Variants in KIZ observed in about 807,000 individuals in gnomAD.
KIZ encodes kizuna centrosomal protein, also known as centrosomal protein kizuna.
KIZ carries 68 observed loss-of-function variants against 79.6 expected under a neutral mutation model. The observed-to-expected ratio is 0.85, with a 90% CI of 0.70 to 1.05. The LOEUF is 1.05. Among genes scored for constraint, KIZ ranks in the 50% least tolerant of loss-of-function variants. The probability of loss-of-function intolerance (pLI) is 0.00; values close to 1 mark genes in which losing one functional copy is unlikely to be tolerated. For synonymous variants in KIZ, 280 were observed against 281.8 expected (o/e 0.99, Z 0.06); for missense variants, 797 against 800.4 (o/e 1.00, Z 0.05).
intron 7 of KIZ, among the ~76,000 whole-genome samples, chr20:21,206,519 A>G (rs1015461764): frequency 2.0e-5 from 3 of 152,178 alleles, no homozygotes; most frequent in African/African-American, 7.2e-5. Flanking sequence ...GCCAAAGAGC[A>G]CACTGGGAAA....
At chr20:21,135,464 T>A (rs966008528) in intron 2 of KIZ, among the ~76,000 whole-genome samples, 1 of 152,244 alleles carries the variant, frequency 6.6e-6, no homozygotes, top group Admixed American at 6.5e-5. Flanking sequence ...CGCAGAATTA[T>A]TAACACGATA....
rs148939107 is a variant in KIZ at position 21,216,031 on chromosome 20, T to C, written c.1678+383T>C. On this transcript the variant is annotated intron_variant, in intron 9 of 12. Transcript: ENST00000619189. ...TCCTGTAGTAATTGCATATGTATAT[T>C]AAAATAAGCAGATAATAAAAAAATG... Among the ~76,000 whole-genome samples, 218 of 152,298 alleles carry C rather than the reference T, an allele frequency of 1.4e-3. 1 individual carries two copies. The highest frequency in any genetic ancestry group is 5.0e-3 in the African/African-American group (206 of 41,558).
chr20:21,130,633 C>CT (rs951473358), intron 1 of KIZ, among the ~76,000 whole-genome samples: 74 of 149,548 alleles, frequency 4.9e-4, no homozygotes, highest in African/African-American at 1.0e-3. Context: ...TCCTTTTAAT[C>CT]TTTTTTTTTT....
intron 6 of KIZ, among the ~76,000 whole-genome samples, chr20:21,171,991 A>G (rs1329149431): frequency 6.6e-6 from 1 of 152,186 alleles, no homozygotes; most frequent in East Asian, 1.9e-4. Context: ...TCTCCAGACA[A>G]ATCCATCCAG....
intron 7 of KIZ, among the ~76,000 whole-genome samples, chr20:21,205,876 G>T (rs2035808431): frequency 6.6e-6 from 1 of 151,526 alleles, no homozygotes; most frequent in African/African-American, 2.4e-5. Context: ...CAGGAGAATT[G>T]CTTGAACCCA....
intron 2 of KIZ, 121 bp from the exon 3 acceptor site, chr20:21,136,269 G>T: frequency 3.2e-6 from 2 of 616,902 alleles, no homozygotes; most frequent in Non-Finnish European, 2.8e-6. Flanking sequence ...TTGGGTTTCG[G>T]TGGTTTGGGT....
chr20:21,204,220 A>G (rs1015555512), intron 6 of KIZ, among the ~76,000 whole-genome samples: 8 of 132,542 alleles, frequency 6.0e-5, no homozygotes, highest in Non-Finnish European at 1.1e-4. Flanking sequence ...GGTTCACGCC[A>G]TTCTCCTGCC....
intron 4 of KIZ, among the ~76,000 whole-genome samples, chr20:21,159,014 TA>T (rs2033526900): frequency 2.2e-5 from 2 of 92,714 alleles, no homozygotes; most frequent in African/African-American, 5.8e-5. Flanking sequence ...TTACTATTAT[TA>T]TTATTTTTTT....
intron 1 of KIZ, among the ~76,000 whole-genome samples, chr20:21,127,594 C>G (rs967695006): frequency 6.6e-6 from 1 of 152,138 alleles, no homozygotes; most frequent in Non-Finnish European, 1.5e-5. Flanking sequence ...TTCTGCATTT[C>G]GAGATTTGTT....
intron 4 of KIZ, chr20:21,149,028 A>T (rs1466935180): frequency 6.6e-6 from 1 of 152,244 alleles, no homozygotes; most frequent in Non-Finnish European, 1.5e-5. Context: ...TTAACACTTT[A>T]TGTGTATCAA....
intron 6 of KIZ, among the ~76,000 whole-genome samples, chr20:21,187,310 C>G (rs1261251549): frequency 6.6e-6 from 1 of 152,152 alleles, no homozygotes; most frequent in Non-Finnish European, 1.5e-5. Context: ...AGGCATTTCA[C>G]TGTTATCATG....
chr20:21,244,912 C>T (rs915698378), intron 12 of KIZ: 1 of 152,916 alleles, frequency 6.5e-6, no homozygotes, highest in Non-Finnish European at 1.5e-5. Flanking sequence ...AGCTGTAGCA[C>T]ACCTATGCCT....
intron 8 of KIZ, 63 bp downstream of exon 8, chr20:21,214,763 C>A: frequency 9.7e-7 from 1 of 1,026,972 alleles, no homozygotes; most frequent in Non-Finnish European, 1.5e-6. Context: ...TCATCTTTCT[C>A]AAGGTACACC....
intron 11 of KIZ, among the ~76,000 whole-genome samples, chr20:21,242,639 T>C (rs2037256643): frequency 2.6e-5 from 4 of 151,836 alleles, no homozygotes; most frequent in Non-Finnish European, 5.9e-5. Context: ...GGAGAGGGGC[T>C]TGGGGAGACT....
At chr20:21,213,346 T>G (rs141620558) in intron 7 of KIZ, among the ~76,000 whole-genome samples, 1 of 152,366 alleles carries the variant, frequency 6.6e-6, no homozygotes, top group African/African-American at 2.4e-5. Flanking sequence ...TGTTTCATGT[T>G]AATCACAAGG....
At chr20:21,176,360 A>C (rs955356389) in intron 6 of KIZ, among the ~76,000 whole-genome samples, 2 of 152,102 alleles carry the variant, frequency 1.3e-5, no homozygotes, top group African/African-American at 4.8e-5. Context: ...AGACAAGGGA[A>C]GGAGACAAAA....
chr20:21,175,321 A>G (rs2122848978), intron 6 of KIZ, among the ~76,000 whole-genome samples: 2 of 152,322 alleles, frequency 1.3e-5, no homozygotes, highest in Middle Eastern at 6.8e-3. Flanking sequence ...AAACCTACTA[A>G]GAAGGGAATA....
At chr20:21,173,770 T>C (rs1179956391) in intron 6 of KIZ, among the ~76,000 whole-genome samples, 1 of 152,050 alleles carries the variant, frequency 6.6e-6, no homozygotes, top group Non-Finnish European at 1.5e-5. Context: ...TATGTTAGAT[T>C]TGAGATGCCT....
chr20:21,237,391 A>G (rs1431933662), intron 11 of KIZ, among the ~76,000 whole-genome samples: 2 of 151,742 alleles, frequency 1.3e-5, no homozygotes, highest in Non-Finnish European at 2.9e-5. Flanking sequence ...CTTTCCTCCA[A>G]ATTCCACCCC....
Sources: allele counts gnomAD v4.1 joint callset (sites outside exome capture counted in the v4.1 genomes callset), GRCh38; gene constraint gnomAD v4.1.1; transcripts MANE v1.5; gene names NCBI Gene and HGNC (gene_info 2026-07-23, HGNC 2026-07-21).